SRGAP3: variants seen among roughly 807,000 people sequenced by gnomAD.
SRGAP3 encodes the protein SLIT-ROBO Rho GTPase activating protein 3, also known as SLIT-ROBO Rho GTPase-activating protein 3.
A neutral mutation model predicts 121.1 loss-of-function variants in SRGAP3; 39 were observed. The ratio of observed to expected loss-of-function variants is 0.32; its 90% CI spans 0.25 to 0.42. The LOEUF (loss-of-function observed/expected upper bound fraction) is 0.42. SRGAP3 is among the 10% of genes least tolerant of loss of function. The probability of loss-of-function intolerance (pLI) is 1.00; values close to 1 mark genes in which losing one functional copy is unlikely to be tolerated. For missense variants in SRGAP3, 1,213 were observed against 1,470.6 expected, an observed-to-expected ratio of 0.82 and a Z score of 2.86; for synonymous variants, 601 against 570.0, an observed-to-expected ratio of 1.05 and a Z score of -0.77.
chr3:9,275,658 T>C (rs553667739), intron 3 of SRGAP3, among the ~76,000 whole-genome samples: 2 of 152,310 alleles, frequency 1.3e-5, no homozygotes, highest in East Asian at 3.9e-4. Flanking sequence ...TTCTTTCCCC[T>C]TTCACTTGGC....
Position 8,985,240 on chromosome 3 carries a change from T to G in SRGAP3, c.*279A>C. ...GTGACGATATGCGGGAGAAGCCATG[T>G]GGTATTTTGCCTCCATGTTAGGGAA... On this transcript the variant is annotated 3_prime_UTR_variant, in exon 22 of 22. Coordinates refer to ENST00000383836, the MANE Select transcript of SRGAP3 (RefSeq NM_014850.4). This position sits in a 1 kb window ranked among gnomAD's most constrained non-coding sequence, Gnocchi z 5.1. 3.8e-6 allele frequency: 2 copies of G among 527,478 alleles called. No homozygotes were observed. The highest frequency in any genetic ancestry group is 6.6e-6 in the Non-Finnish European group (2 of 301,344). 32.7% of individuals were successfully genotyped at this position (527,478 alleles called of 1,614,324 possible). A position where few individuals can be genotyped will look rare whatever the true frequency, so the allele number is the denominator to read the frequency against.
intron 3 of SRGAP3, among the ~76,000 whole-genome samples, chr3:9,089,486 A>G (rs1278003591): frequency 2.0e-5 from 3 of 152,156 alleles, no homozygotes; most frequent in African/African-American, 7.2e-5. Context: ...AAAAGTCATC[A>G]CAATGCTGTA....
chr3:9,185,089 C>A (rs986183391), intron 1 of SRGAP3, among the ~76,000 whole-genome samples: 3 of 152,188 alleles, frequency 2.0e-5, no homozygotes, highest in Non-Finnish European at 2.9e-5. Flanking sequence ...GGTCTTCCCA[C>A]ATTATTAGAG....
intron 1 of SRGAP3, among the ~76,000 whole-genome samples, chr3:9,230,805 C>T (rs756006183): frequency 4.7e-5 from 7 of 147,676 alleles, no homozygotes; most frequent in Non-Finnish European, 1.0e-4. Flanking sequence ...TTCAAGGCTG[C>T]GGTGAGTTAT....
chr3:9,343,975 A>G (rs1443207483), intron 1 of SRGAP3, among the ~76,000 whole-genome samples: 1 of 152,238 alleles, frequency 6.6e-6, no homozygotes, highest in Non-Finnish European at 1.5e-5. Context: ...ATAATTAAAA[A>G]TTAGTCTTGG....
At chr3:9,098,010 T>C (rs1948058602) in intron 3 of SRGAP3, among the ~76,000 whole-genome samples, 1 of 152,190 alleles carries the variant, frequency 6.6e-6, no homozygotes, top group South Asian at 2.1e-4. Context: ...GTCTCAGAGC[T>C]GGCTTCCCAG....
chr3:9,057,654 A>C (rs1211615710), intron 7 of SRGAP3, among the ~76,000 whole-genome samples: 1 of 152,188 alleles, frequency 6.6e-6, no homozygotes, highest in Non-Finnish European at 1.5e-5. Flanking sequence ...GCCCCGAGGG[A>C]GCAGTGACAC....
At chr3:9,313,533 T>TA (rs554832611) in intron 3 of SRGAP3, among the ~76,000 whole-genome samples, 4 of 141,426 alleles carry the variant, frequency 2.8e-5, no homozygotes, top group Non-Finnish European at 6.2e-5. Flanking sequence ...TACTAAAAAA[T>TA]ACAAAAAATC....
intron 3 of SRGAP3, among the ~76,000 whole-genome samples, chr3:9,098,770 A>G (rs1289254045): frequency 1.3e-5 from 2 of 152,228 alleles, no homozygotes; most frequent in Non-Finnish European, 2.9e-5. Context: ...GCGTTTGCTC[A>G]CTGTTTGTTA....
At chr3:9,027,975 G>T in intron 12 of SRGAP3, 1 of 1,117,762 alleles carries the variant, frequency 8.9e-7, no homozygotes, top group Non-Finnish European at 1.4e-6. Flanking sequence ...GATTGACTGT[G>T]CCCAGGGACA....
intron 1 of SRGAP3, among the ~76,000 whole-genome samples, chr3:9,209,315 AGCAAAGAGCCAAT>A (rs1952364396): frequency 1.3e-5 from 2 of 152,264 alleles, no homozygotes; most frequent in African/African-American, 4.8e-5. Flanking sequence ...ACATCTTATA[AGCAAAGAGCCAAT>A]TTCCTAAAAT....
chr3:9,064,216 C>T (rs1399386669), intron 5 of SRGAP3, among the ~76,000 whole-genome samples, 180 bp downstream of exon 5: 1 of 152,236 alleles, frequency 6.6e-6, no homozygotes, highest in African/African-American at 2.4e-5. Context: ...GCTCCGCTTC[C>T]ACTAGGACAC....
At chr3:9,348,352 G>A in intron 1 of SRGAP3, 2 of 448,654 alleles carry the variant, frequency 4.5e-6, no homozygotes, top group Admixed American at 3.4e-5. Context: ...AGAAAAGGGA[G>A]AAAGACTAAA....
chr3:9,342,601 G>A (rs1164713129), intron 1 of SRGAP3, among the ~76,000 whole-genome samples: 3 of 152,208 alleles, frequency 2.0e-5, no homozygotes, highest in African/African-American at 7.2e-5. Context: ...TGACCATCTT[G>A]TTATACCATG....
At chr3:9,180,775 T>A (rs946387089) in intron 1 of SRGAP3, among the ~76,000 whole-genome samples, 2 of 152,052 alleles carry the variant, frequency 1.3e-5, no homozygotes, top group East Asian at 3.9e-4. Context: ...CAGATCCCAG[T>A]TCCCACTGTA....
At chr3:8,987,994 C>T (rs920012251) in intron 21 of SRGAP3, among the ~76,000 whole-genome samples, 12 of 152,194 alleles carry the variant, frequency 7.9e-5, no homozygotes, top group African/African-American at 2.9e-4. Flanking sequence ...AATGTAATTA[C>T]TGCCCCTCTA....
intron 2 of SRGAP3, among the ~76,000 whole-genome samples, chr3:9,329,435 T>C (rs1575009136): frequency 6.6e-6 from 1 of 152,116 alleles, no homozygotes; most frequent in South Asian, 2.1e-4. Context: ...AAAATACGTG[T>C]GATAAAACAC....
At chr3:9,288,885 C>T (rs150238524) in intron 3 of SRGAP3, among the ~76,000 whole-genome samples, 2,735 of 148,246 alleles carry the variant, frequency 0.018, 44 homozygotes, top group South Asian at 0.088. Context: ...CACACATTGT[C>T]ATTTTTCCAG....
intron 8 of SRGAP3, among the ~76,000 whole-genome samples, chr3:9,055,646 T>C (rs554565274): frequency 6.6e-6 from 1 of 152,354 alleles, no homozygotes; most frequent in Non-Finnish European, 1.5e-5. Context: ...GTTTATTTCA[T>C]TGTGTAATTT....
Sources: gnomAD v4.1 joint callset for allele counts (sites outside exome capture counted in the v4.1 genomes callset) on GRCh38, gnomAD v4.1.1 for gene constraint, Gnocchi (gnomAD v3.1) non-coding constraint, MANE v1.5 for transcripts, NCBI Gene and HGNC (gene_info 2026-07-23, HGNC 2026-07-21) for gene names.